Variants in PARN observed in about 807,000 individuals in gnomAD.
The protein encoded by PARN is poly(A)-specific ribonuclease PARN.
Under a neutral mutation model 102.8 loss-of-function variants are expected in PARN, and 71 were observed. The ratio of observed to expected loss-of-function variants is 0.69; its 90% CI spans 0.57 to 0.84. PARN has a LOEUF of 0.84. Ranked by LOEUF, PARN falls within the 40% of genes least tolerant of loss-of-function variation. PARN has a pLI of 0.00. For synonymous variants in PARN, 261 were observed against 252.9 expected, an observed-to-expected ratio of 1.03 and a Z score of -0.30; for missense variants, 782 against 760.9, an observed-to-expected ratio of 1.03 and a Z score of -0.33.
At chr16:14,438,372 T>A (rs568861691) in intron 23 of PARN, among the ~76,000 whole-genome samples, 2 of 144,794 alleles carry the variant, frequency 1.4e-5, no homozygotes, top group African/African-American at 5.1e-5. Context: ...AAAAGGAAGA[T>A]AAATTGCTAA....
intron 14 of PARN, among the ~76,000 whole-genome samples, chr16:14,585,763 A>G (rs564282616): frequency 6.6e-6 from 1 of 152,332 alleles, no homozygotes; most frequent in South Asian, 2.1e-4. Flanking sequence ...ACAGTTCTTC[A>G]GACAGCAAGA....
chr16:14,461,407 CAGTG>C (rs1158568004), intron 22 of PARN, among the ~76,000 whole-genome samples: 12 of 152,206 alleles, frequency 7.9e-5, no homozygotes, highest in African/African-American at 2.7e-4. Flanking sequence ...TTATGATATG[CAGTG>C]AGTGTTTCTT....
chr16:14,608,223 T>A, intron 9 of PARN, 58 bp downstream of exon 9: 1 of 1,197,606 alleles, frequency 8.3e-7, no homozygotes, highest in Non-Finnish European at 1.2e-6. Context: ...AGAGATTATA[T>A]TTAGTCTTTA....
intron 11 of PARN, among the ~76,000 whole-genome samples, chr16:14,601,467 C>G (rs1372959917): frequency 6.6e-6 from 1 of 151,994 alleles, no homozygotes; most frequent in African/African-American, 2.4e-5. Flanking sequence ...AGATGGAGAG[C>G]TGCTTGATTA....
rs531860938 is a variant in PARN, at chr16:14,471,076, C to T, written c.1670+11562G>A. Among the ~76,000 whole-genome samples, 46 of 152,308 alleles carry T rather than the reference C, an allele frequency of 3.0e-4. 1 individual carries two copies. In the East Asian group the frequency reaches 4.4e-3, roughly 15 times the overall value. ...AGGATTACAGGTATGAGCTACCATG[C>T]CCAGCTGATACAGGTAATTTTTAAT... On this transcript the variant is annotated intron_variant, in intron 22 of 23. Transcript: ENST00000437198.
At chr16:14,441,846 G>C (rs1197662807) in intron 23 of PARN, among the ~76,000 whole-genome samples, 1 of 152,220 alleles carries the variant, frequency 6.6e-6, no homozygotes, top group Non-Finnish European at 1.5e-5. Flanking sequence ...AAGGAGACCA[G>C]TAACAGCATG....
chr16:14,555,876 T>G (rs1967652633), intron 18 of PARN, among the ~76,000 whole-genome samples, 167 bp from the exon 19 acceptor site: 1 of 151,452 alleles, frequency 6.6e-6, no homozygotes, highest in African/African-American at 2.4e-5. Context: ...CTATTATTTA[T>G]TTTTTTTTAG....
intron 2 of PARN, among the ~76,000 whole-genome samples, chr16:14,629,051 G>GT (rs1319687606): frequency 1.3e-5 from 2 of 152,184 alleles, no homozygotes; most frequent in Non-Finnish European, 2.9e-5. Flanking sequence ...GGCAAATATT[G>GT]TAAGATTCCA....
chr16:14,512,740 C>T (rs987523362), intron 21 of PARN, among the ~76,000 whole-genome samples: 1 of 152,182 alleles, frequency 6.6e-6, no homozygotes, highest in African/African-American at 2.4e-5. Flanking sequence ...GGAGTTCTTT[C>T]CACTCTGCCT....
chr16:14,446,043 T>A (rs1961184742), intron 23 of PARN, among the ~76,000 whole-genome samples: 1 of 152,252 alleles, frequency 6.6e-6, no homozygotes, highest in African/African-American at 2.4e-5. Context: ...AAGCACTCAA[T>A]AAGCAGTGGC....
At chr16:14,578,246 T>G (rs920647129) in intron 18 of PARN, among the ~76,000 whole-genome samples, 2 of 143,104 alleles carry the variant, frequency 1.4e-5, no homozygotes, top group African/African-American at 5.2e-5. Flanking sequence ...GGAGAATCAC[T>G]TGAACCTAGG....
At chr16:14,442,978 G>A (rs189150668) in intron 23 of PARN, among the ~76,000 whole-genome samples, 37 of 152,284 alleles carry the variant, frequency 2.4e-4, no homozygotes, top group Middle Eastern at 3.4e-3. Flanking sequence ...CCTTTGTAAT[G>A]AATCCTTCAT....
chr16:14,447,073 G>A lies in PARN; in HGVS notation c.1679C>T (p.Ala560Val), dbSNP rs1330158566. ...NHYYRNNSFTAPSTVGKRNLS... is the reference protein window; with the variant it reads ...NHYYRNNSFTVPSTVGKRNLS... The stretch of plus-strand genomic sequence containing the variant: ...ATTTCTCTTTCCTACTGTGCTGGGA[G>A]CTGTAAAACTGAAATGCAAAAAGTG... Residue 560 changes from alanine to valine, a missense_variant, in exon 23 of 24, where the codon GCT (alanine) becomes GTT (valine). Ala to Val is a moderately conservative substitution (Grantham distance 64). Transcript: ENST00000437198. The A allele has an allele frequency of 1.2e-6, 2 of 1,610,380 alleles. No individual in the cohort carries two copies. The highest frequency in any genetic ancestry group is 1.7e-6 in the Non-Finnish European group (2 of 1,178,362).
intron 23 of PARN, among the ~76,000 whole-genome samples, chr16:14,444,214 C>G (rs1961087619): frequency 6.6e-6 from 1 of 152,160 alleles, no homozygotes; most frequent in African/African-American, 2.4e-5. Flanking sequence ...CTGGCACCGT[C>G]AGGGGTCTTG....
intron 21 of PARN, among the ~76,000 whole-genome samples, chr16:14,541,818 T>G (rs1489427238): frequency 6.6e-6 from 1 of 152,068 alleles, no homozygotes. Flanking sequence ...AACATTCTTC[T>G]AAGGAATGTA....
At chr16:14,469,123 C>T (rs971679368) in intron 22 of PARN, among the ~76,000 whole-genome samples, 3 of 151,970 alleles carry the variant, frequency 2.0e-5, no homozygotes, top group Non-Finnish European at 2.9e-5. Context: ...CATGGTGAAA[C>T]TCGGTCTCTA....
rs1437064724 is a variant in PARN at position 14,532,794 on chromosome 16, G to C, written c.1480+19227C>G. Among the ~76,000 whole-genome samples the C allele has an allele frequency of 2.7e-5, 4 of 150,464 alleles. No individual in the cohort carries two copies. In the East Asian group the frequency reaches 7.9e-4, roughly 30 times the overall value. ...CACCTCCCTCCTGGACGGGGCGGCT[G>C]GCCGGGCGGGGGGCTGACCCCCCCA... On this transcript the variant is annotated intron_variant, in intron 21 of 23. Coordinates refer to ENST00000437198, the MANE Select transcript of PARN (RefSeq NM_002582.4).
chr16:14,559,644 T>C (rs1967931471), intron 18 of PARN, among the ~76,000 whole-genome samples: 1 of 152,104 alleles, frequency 6.6e-6, no homozygotes, highest in South Asian at 2.1e-4. Context: ...ATAGGTCTTA[T>C]TCATTCTATT....
At chr16:14,579,338 A>G (rs1185968576) in intron 18 of PARN, among the ~76,000 whole-genome samples, 1 of 152,240 alleles carries the variant, frequency 6.6e-6, no homozygotes, top group East Asian at 1.9e-4. Flanking sequence ...CTGATAAACT[A>G]GATGCAGCCC....
Sources: gnomAD v4.1 joint callset for allele counts (sites outside exome capture counted in the v4.1 genomes callset) on GRCh38, gnomAD v4.1.1 for gene constraint, MANE v1.5 for transcripts, NCBI Gene and HGNC (gene_info 2026-07-23, HGNC 2026-07-21) for gene names.